NDUFS4: variants seen among roughly 807,000 people sequenced by gnomAD.
NDUFS4 encodes NADH:ubiquinone oxidoreductase subunit S4.
A neutral mutation model predicts 24.3 loss-of-function variants in NDUFS4; 28 were observed. The ratio of observed to expected loss-of-function variants is 1.15; its 90% CI spans 0.85 to 1.58. The LOEUF (loss-of-function observed/expected upper bound fraction) is 1.58. NDUFS4 is among the 40% of genes most tolerant of loss of function. NDUFS4 has a pLI of 0.00. For missense variants in NDUFS4, 223 were observed against 207.9 expected, an observed-to-expected ratio of 1.07 and a Z score of -0.45; for synonymous variants, 93 against 69.7, an observed-to-expected ratio of 1.34 and a Z score of -1.67.
intron 2 of NDUFS4, among the ~76,000 whole-genome samples, chr5:53,634,276 G>A (rs1751487802): frequency 6.6e-6 from 1 of 152,020 alleles, no homozygotes; most frequent in Non-Finnish European, 1.5e-5. Context: ...TAAATCTGAA[G>A]CGTTCAGTTT....
At chr5:53,626,666 G>T (rs1356233803) in intron 2 of NDUFS4, among the ~76,000 whole-genome samples, 1 of 152,178 alleles carries the variant, frequency 6.6e-6, no homozygotes, top group Admixed American at 6.5e-5. Flanking sequence ...TTTGTTGGCT[G>T]CATAAATGTC....
At chr5:53,675,833 A>G (rs1451328503) in intron 4 of NDUFS4, among the ~76,000 whole-genome samples, 2 of 152,198 alleles carry the variant, frequency 1.3e-5, no homozygotes, top group Non-Finnish European at 2.9e-5. Flanking sequence ...GCAAAAGACC[A>G]GAGTCAGAGT....
intron 2 of NDUFS4, among the ~76,000 whole-genome samples, chr5:53,603,830 A>G (rs1370162155): frequency 2.6e-5 from 4 of 151,926 alleles, no homozygotes; most frequent in African/African-American, 9.7e-5. Flanking sequence ...TTTGCTTTTT[A>G]TTTTCTCAGT....
At chr5:53,567,172 G>T (rs1226815009) in intron 1 of NDUFS4, among the ~76,000 whole-genome samples, 1 of 152,126 alleles carries the variant, frequency 6.6e-6, no homozygotes, top group Non-Finnish European at 1.5e-5. Context: ...TAAATCTGAG[G>T]TTGGTTGAAT....
intron 1 of NDUFS4, among the ~76,000 whole-genome samples, chr5:53,594,998 A>G (rs1013895833): frequency 1.3e-5 from 2 of 152,096 alleles, no homozygotes; most frequent in Admixed American, 6.5e-5. Context: ...AAGGATGGCC[A>G]GTTGTCTCAA....
At chr5:53,622,876 T>G (rs1751094412) in intron 2 of NDUFS4, among the ~76,000 whole-genome samples, 1 of 152,202 alleles carries the variant, frequency 6.6e-6, no homozygotes, top group African/African-American at 2.4e-5. Context: ...CCATTAAATA[T>G]TAACTGTCCT....
At position 53,603,544 on chromosome 5, in the gene NDUFS4, A is replaced by T; in HGVS notation, c.177+14A>T. On this transcript the variant is annotated intron_variant, in intron 2 of 4. Coordinates refer to ENST00000296684, the MANE Select transcript of NDUFS4 (RefSeq NM_002495.4). ...GATGAAAAATTGGTAAGGATTTTCT[A>T]CTACACACTGCTATGGTTCTGCCTT... is the stretch of plus-strand genomic sequence containing the variant. 1 of 1,593,714 alleles carries T rather than the reference A, an allele frequency of 6.3e-7. No individual in the cohort carries two copies. The highest frequency in any genetic ancestry group is 8.6e-7 in the Non-Finnish European group (1 of 1,161,840).
At chr5:53,635,013 A>G (rs911247226) in intron 2 of NDUFS4, among the ~76,000 whole-genome samples, 1 of 151,948 alleles carries the variant, frequency 6.6e-6, no homozygotes, top group Admixed American at 6.6e-5. Flanking sequence ...AACATGGTGA[A>G]ACCCCATCAC....
intron 1 of NDUFS4, among the ~76,000 whole-genome samples, chr5:53,595,763 T>C (rs1010265960): frequency 1.3e-5 from 2 of 152,190 alleles, no homozygotes; most frequent in Admixed American, 6.5e-5. Flanking sequence ...CTTTAATCTG[T>C]TGGATGACTC....
intron 3 of NDUFS4, among the ~76,000 whole-genome samples, chr5:53,650,761 G>A (rs1052062171): frequency 6.6e-6 from 1 of 152,224 alleles, no homozygotes; most frequent in Non-Finnish European, 1.5e-5. Flanking sequence ...TTTGGGGATA[G>A]TGTGTCCTGG....
chr5:53,596,965 T>C (rs879562600), intron 1 of NDUFS4, among the ~76,000 whole-genome samples: 1 of 152,226 alleles, frequency 6.6e-6, no homozygotes, highest in Non-Finnish European at 1.5e-5. Flanking sequence ...TTTAAATCTA[T>C]AGCTGGACAC....
intron 1 of NDUFS4, among the ~76,000 whole-genome samples, chr5:53,592,886 G>A (rs2637004): frequency 0.66 from 100,182 of 151,988 alleles, 33,244 homozygotes; most frequent in East Asian, 0.75. Flanking sequence ...TTAGAATCAT[G>A]CCTGGAATAA....
intron 1 of NDUFS4, among the ~76,000 whole-genome samples, chr5:53,568,760 CTGGA>C (rs1749122345): frequency 6.6e-6 from 1 of 152,138 alleles, no homozygotes; most frequent in Non-Finnish European, 1.5e-5. Flanking sequence ...TGGTCTTTCA[CTGGA>C]TGTAGTTCTC....
chr5:53,588,922 A>T (rs2124949), intron 1 of NDUFS4, among the ~76,000 whole-genome samples: 14,848 of 152,064 alleles, frequency 0.098, 1,026 homozygotes, highest in Admixed American at 0.2. Context: ...AAGATTCCTA[A>T]ACCGAAGCAA....
intron 1 of NDUFS4, among the ~76,000 whole-genome samples, chr5:53,580,412 A>T (rs538521574): frequency 6.6e-6 from 1 of 152,296 alleles, no homozygotes; most frequent in East Asian, 1.9e-4. Flanking sequence ...TTTGGAGGGG[A>T]TCTTCCTAAA....
chr5:53,670,870 CTA>C (rs1752647748), intron 4 of NDUFS4, among the ~76,000 whole-genome samples: 2 of 151,078 alleles, frequency 1.3e-5, no homozygotes, highest in Admixed American at 1.3e-4. Flanking sequence ...TATAGTACCT[CTA>C]GAGTATAGTA....
intron 4 of NDUFS4, among the ~76,000 whole-genome samples, chr5:53,675,114 A>G (rs987518212): frequency 6.6e-6 from 1 of 150,866 alleles, no homozygotes; most frequent in Non-Finnish European, 1.5e-5. Context: ...CTCAATTTAC[A>G]TAATCACTTA....
intron 1 of NDUFS4, among the ~76,000 whole-genome samples, chr5:53,589,949 AC>A (rs756730483): frequency 2.0e-5 from 3 of 152,070 alleles, no homozygotes; most frequent in Non-Finnish European, 1.5e-5. Flanking sequence ...TTATTGTGGG[AC>A]CTTGTGATGG....
intron 2 of NDUFS4, among the ~76,000 whole-genome samples, chr5:53,605,395 A>G (rs1370365255): frequency 6.6e-6 from 1 of 152,136 alleles, no homozygotes; most frequent in African/African-American, 2.4e-5. Flanking sequence ...AGAGTTCACT[A>G]ATAACTCTTC....
Sources: allele counts gnomAD v4.1 joint callset (sites outside exome capture counted in the v4.1 genomes callset), GRCh38; gene constraint gnomAD v4.1.1; transcripts MANE v1.5; gene names NCBI Gene and HGNC (gene_info 2026-07-23, HGNC 2026-07-21).